The following NCAPD2 variants were observed in gnomAD, a reference collection of about 807,000 sequenced individuals.
NCAPD2 encodes condensin complex subunit 1.
NCAPD2 carries 100 observed loss-of-function variants against 164.5 expected under a neutral mutation model. That is an observed-to-expected ratio of 0.61 (90% confidence interval 0.52 to 0.72). The LOEUF is 0.72. Among genes scored for constraint, NCAPD2 ranks in the 30% least tolerant of loss-of-function variants. NCAPD2 has a pLI of 0.00. For synonymous variants in NCAPD2, 585 were observed against 642.6 expected (o/e 0.91, Z 1.36); for missense variants, 1,560 against 1,749.2 (o/e 0.89, Z 1.93).
At chr12:6,509,991 G>C in intron 3 of NCAPD2, 84 bp from the exon 4 acceptor site, 2 of 1,443,726 alleles carry the variant, frequency 1.4e-6, no homozygotes, top group East Asian at 2.3e-5. Flanking sequence ...TTAAACATTC[G>C]ATTCCACGGG....
intron 17 of NCAPD2, among the ~76,000 whole-genome samples, chr12:6,523,962 A>G (rs560193930): frequency 8.5e-5 from 13 of 152,370 alleles, no homozygotes; most frequent in African/African-American, 2.9e-4. Context: ...CGTTACTCAC[A>G]GTAACTTGTT....
rs368631187 is a variant in NCAPD2 at position 6,517,972 on chromosome 12, A to C, written c.1589+13A>C. 1.2e-6 allele frequency: 2 copies of C among 1,611,840 alleles called. No individual in the cohort carries two copies. Among genetic ancestry groups the C allele is most frequent in the East Asian group, 4.5e-5 (2 of 44,890 alleles). On this transcript the variant is annotated intron_variant, in intron 13 of 31. Transcript: ENST00000315579. Reference sequence around the variant, plus strand: ...AAGCTAGTTACAAGTAGGCAAAAGAATGGGATATTCTTCGTGATCTGTTTA... The same window carrying C: ...AAGCTAGTTACAAGTAGGCAAAAGACTGGGATATTCTTCGTGATCTGTTTA...
chr12:6,518,590 G>C (rs1195577934), intron 13 of NCAPD2, among the ~76,000 whole-genome samples: 1 of 129,468 alleles, frequency 7.7e-6, no homozygotes, highest in Admixed American at 9.7e-5. Flanking sequence ...ACACGATCTT[G>C]GCTCACTGCA....
chr12:6,523,078 AAG>A (rs1483711307), intron 16 of NCAPD2, 76 bp downstream of exon 16: 1 of 1,561,014 alleles, frequency 6.4e-7, no homozygotes, highest in Non-Finnish European at 8.8e-7. Context: ...CTCCTAAAGG[AAG>A]AGGTGCATTT....
Position 6,527,833 on chromosome 12 carries a change from A to C in NCAPD2, c.2964A>C (p.Ala988=). 1 of 1,613,988 alleles carries C rather than the reference A, an allele frequency of 6.2e-7. No individual in the cohort carries two copies. The highest frequency in any genetic ancestry group is 8.5e-7 in the Non-Finnish European group (1 of 1,179,838). ...AGCTGGGGCTGGTTGGGGCAACAGC[A>C]GATGACACAGAGGCAGAACTAATCC... ...EEELGLVGAT[A]DDTEAELIRG... is the part of the protein sequence containing the mutation. The change falls in exon 23 of 32, where the codon GCA becomes GCC. Residue 988 remains alanine, a synonymous_variant. Transcript: ENST00000315579.
Position 6,510,700 on chromosome 12 carries a change from G to A in NCAPD2, c.334G>A (p.Ala112Thr), listed in dbSNP as rs780825688. The A allele has an allele frequency of 1.2e-6, 2 of 1,614,120 alleles. No homozygotes were observed. The highest frequency in any genetic ancestry group is 8.5e-7 in the Non-Finnish European group (1 of 1,180,028). Residue 112 changes from alanine (A) to threonine (T), a missense_variant, in exon 5 of 32, where the codon GCC (alanine) becomes ACC (threonine). Coordinates refer to ENST00000315579, the MANE Select transcript of NCAPD2 (RefSeq NM_014865.4). Reference protein sequence around the residue: ...DTTLSGSDRNAHLNALKMNCY... With the variant: ...DTTLSGSDRNTHLNALKMNCY... ...AACTTTGAGTGGATCAGATAGAAACGCCCATCTAAATGCCCTCAAAATGAA... is the reference window on the plus strand; with the variant it reads ...AACTTTGAGTGGATCAGATAGAAACACCCATCTAAATGCCCTCAAAATGAA...
In NCAPD2 at chr12:6,527,970, A is replaced by C. The variant is rs1441390548; in HGVS notation, c.3022A>C (p.Lys1008Gln). Residue 1008 changes from lysine (K) to glutamine (Q), a missense_variant and splice_region_variant, in exon 24 of 32, where the codon AAA (lysine) becomes CAA (glutamine). By Grantham distance (53) the Lys-to-Gln change is moderately conservative (BLOSUM62 1). Transcript: ENST00000315579. Reference sequence around the variant, plus strand: ...ACCTGCAGTTACTCTTCCAACAGGCAAACAGACACTGGCTGCCTTTGTTCC... The same window carrying C: ...ACCTGCAGTTACTCTTCCAACAGGCCAACAGACACTGGCTGCCTTTGTTCC... ...GICEMELLDG[K>Q]QTLAAFVPLL... 6 of 1,614,134 alleles carry C rather than the reference A, an allele frequency of 3.7e-6. No homozygotes were observed. Among genetic ancestry groups the C allele is most frequent in the Non-Finnish European group, 3.4e-6 (4 of 1,180,046 alleles).
At chr12:6,512,556 A>G (rs931596153) in intron 6 of NCAPD2, among the ~76,000 whole-genome samples, 1 of 152,226 alleles carries the variant, frequency 6.6e-6, no homozygotes, top group African/African-American at 2.4e-5. Context: ...CCGTGAGGCC[A>G]TGGGAGCAGT....
chr12:6,506,314 A>T (rs1946098237), intron 2 of NCAPD2, among the ~76,000 whole-genome samples: 2 of 152,134 alleles, frequency 1.3e-5, no homozygotes, highest in South Asian at 4.1e-4. Context: ...TTGGCCGGGC[A>T]CGGTGGCTCA....
chr12:6,510,294 G>A (rs374643972), intron 4 of NCAPD2, 161 bp downstream of exon 4: 2 of 858,634 alleles, frequency 2.3e-6, no homozygotes. Context: ...GCCTGTTAAA[G>A]GTCTGTAATC....
Position 6,531,149 on chromosome 12 carries a change from C to T in NCAPD2, c.4120+73C>T. On this transcript the variant is annotated intron_variant, in intron 31 of 31. Transcript: ENST00000315579. This position sits in a 1 kb window ranked among gnomAD's most constrained non-coding sequence, Gnocchi z 4.1. ...TGCAGAGGGCTGGTTTCCATAGGAC[C>T]TGCTGCGGGGGCCTGAGTGTAGATG... The T allele has an allele frequency of 6.3e-7, 1 of 1,585,596 alleles. No homozygotes were observed. The highest frequency in any genetic ancestry group is 8.6e-7 in the Non-Finnish European group (1 of 1,161,302).
chr12:6,497,608 TC>T (rs764886967), intron 2 of NCAPD2, among the ~76,000 whole-genome samples: 1 of 133,660 alleles, frequency 7.5e-6, no homozygotes, highest in Non-Finnish European at 1.6e-5. Context: ...ATGATCTTGT[TC>T]CTGTCACTTT....
rs138128987 is a variant in NCAPD2, at chr12:6,510,356, G to C, written c.262+223G>C. 1.1e-5 allele frequency: 9 copies of C among 783,712 alleles called. No individual in the cohort carries two copies. The African/African-American group carries it at 1.5e-4, about 13-fold the overall frequency. The allele number at this position is 783,712 out of a possible 1,614,324, so 48.5% of individuals were successfully genotyped here. A position where few individuals can be genotyped will look rare whatever the true frequency, so the allele number is the denominator to read the frequency against. On this transcript the variant is annotated intron_variant, in intron 4 of 31. Transcript: ENST00000315579. ...GTTCACTGTAAGGGCAGACCAACAA[G>C]AACTTTTTCCTACTTTTGAGCTACC...
At chr12:6,501,376 T>A (rs771055393) in intron 2 of NCAPD2, among the ~76,000 whole-genome samples, 25 of 151,884 alleles carry the variant, frequency 1.6e-4, no homozygotes, top group Non-Finnish European at 3.5e-4. Flanking sequence ...TTAGTAGAGA[T>A]GCGGTTTTGC....
intron 22 of NCAPD2, 134 bp downstream of exon 22, chr12:6,527,197 CCGTAGGAAAGGTTCG>C: frequency 2.1e-6 from 2 of 973,748 alleles, no homozygotes; most frequent in Non-Finnish European, 2.9e-6. Flanking sequence ...GTGGCTACTA[CCGTAGGAAAGGTTCG>C]TGTGAACAAT....
At chr12:6,523,952 C>T (rs914575823) in intron 17 of NCAPD2, among the ~76,000 whole-genome samples, 2 of 152,166 alleles carry the variant, frequency 1.3e-5, no homozygotes, top group East Asian at 3.9e-4. Flanking sequence ...GGCACTCACA[C>T]GTTACTCACA....
intron 2 of NCAPD2, among the ~76,000 whole-genome samples, chr12:6,503,630 G>A (rs1440858527): frequency 6.6e-6 from 1 of 152,080 alleles, no homozygotes; most frequent in African/African-American, 2.4e-5. Context: ...AATTAGCCGG[G>A]TGTGGTGACG....
chr12:6,531,138 T>G lies in NCAPD2; in HGVS notation c.4120+62T>G, dbSNP rs1946369262. 6.2e-7 allele frequency: 1 copy of G among 1,601,718 alleles called. No homozygotes were observed. ...CACAGCTAGGGTGCAGAGGGCTGGTTTCCATAGGACCTGCTGCGGGGGCCT... is the reference window on the plus strand; with the variant it reads ...CACAGCTAGGGTGCAGAGGGCTGGTGTCCATAGGACCTGCTGCGGGGGCCT... On this transcript the variant is annotated intron_variant, in intron 31 of 31. Coordinates refer to ENST00000315579, the MANE Select transcript of NCAPD2 (RefSeq NM_014865.4). This position sits in a 1 kb window ranked among gnomAD's most constrained non-coding sequence, Gnocchi z 4.1.
rs769181167 is a variant in NCAPD2 at position 6,526,431 on chromosome 12, TC to T, written c.2567-14del. 1.4e-5 allele frequency: 23 copies of T among 1,614,150 alleles called. No homozygotes were observed. The African/African-American group carries it at 2.8e-4, about 20-fold the overall frequency. On this transcript the variant is annotated splice_polypyrimidine_tract_variant and intron_variant, in intron 20 of 31. Transcript: ENST00000315579. ...GCCCTTTGTTGCAGTAAACAACTTC[TC>T]CCTCCTCCTCTGCAGGCTTTGTCCA... is the stretch of plus-strand genomic sequence containing the variant.
Sources: allele counts gnomAD v4.1 joint callset (sites outside exome capture counted in the v4.1 genomes callset), GRCh38; gene constraint gnomAD v4.1.1; non-coding constraint Gnocchi (gnomAD v3.1); transcripts MANE v1.5; gene names NCBI Gene and HGNC (gene_info 2026-07-23, HGNC 2026-07-21).